The following HERC6 variants were observed in gnomAD, a reference collection of about 807,000 sequenced individuals.
HERC6 encodes the protein probable E3 ubiquitin-protein ligase HERC6.
In HERC6, 101 loss-of-function variants were observed where a neutral mutation model predicts 114.5. The ratio of observed to expected loss-of-function variants is 0.88; its 90% CI spans 0.75 to 1.04. The LOEUF is 1.04. Ranked by LOEUF, HERC6 falls within the 50% of genes least tolerant of loss-of-function variation. The pLI, the probability that HERC6 is intolerant of heterozygous loss-of-function variation, is 0.00. For synonymous variants in HERC6, 408 were observed against 436.2 expected (o/e 0.94, Z 0.81); for missense variants, 1,133 against 1,230.9 (o/e 0.92, Z 1.19).
chr4:88,408,673 G>A, intron 11 of HERC6, 56 bp downstream of exon 11: 1 of 1,181,868 alleles, frequency 8.5e-7, no homozygotes, highest in Non-Finnish European at 1.2e-6. Context: ...GTTTATTTTT[G>A]TTGGAAGCTG....
rs753643806 is a variant in HERC6, at chr4:88,383,763, CAAAAAAAAAAAA to C, written c.359+402_359+413del. 7.2e-3 allele frequency among the ~76,000 whole-genome samples: 208 copies of C among 28,754 alleles called. 1 individual carries two copies. The highest frequency in any genetic ancestry group is 0.027 in the African/African-American group (196 of 7,348). The allele number at this position is 28,754 out of a possible 152,430, so 18.9% of individuals were successfully genotyped here. A position where few individuals can be genotyped will look rare whatever the true frequency, so the allele number is the denominator to read the frequency against. On this transcript the variant is annotated intron_variant, in intron 2 of 22. Transcript: ENST00000264346. ...TGGGCAACAGAGGGAGACTCAGTCT[CAAAAAAAAAAAA>C]AAAAAAAAAAAAAAAAAAGACTATG...
chr4:88,430,609 T>TAAATAAATAAATAAAA (rs1553918199), intron 16 of HERC6, among the ~76,000 whole-genome samples: 1 of 150,990 alleles, frequency 6.6e-6, no homozygotes, highest in African/African-American at 2.4e-5. Context: ...AATAAATAAA[T>TAAATAAATAAATAAAA]AAAAAGAGGG....
At chr4:88,398,264 A>G in intron 8 of HERC6, 55 bp downstream of exon 8, 2 of 1,123,226 alleles carry the variant, frequency 1.8e-6, no homozygotes, top group Non-Finnish European at 2.5e-6. Context: ...AAGATTTCAG[A>G]CCGGTATTTG....
intron 8 of HERC6, among the ~76,000 whole-genome samples, chr4:88,401,500 A>G (rs1451877259): frequency 6.6e-6 from 1 of 151,946 alleles, no homozygotes; most frequent in African/African-American, 2.4e-5. Context: ...CAAAAAAAAA[A>G]AAAAAAAGAA....
At chr4:88,437,103 T>G in intron 19 of HERC6, 132 bp downstream of exon 19, 1 of 609,960 alleles carries the variant, frequency 1.6e-6, no homozygotes, top group Non-Finnish European at 2.7e-6. Flanking sequence ...GTCACCCAGG[T>G]TGGAGTACAA....
chr4:88,378,941 C>T lies in HERC6; in HGVS notation c.20C>T (p.Ala7Val). MYFCWG[A>V]DSRELQRRRT... ...AGCGGGATGTACTTCTGTTGGGGCG[C>T]CGACTCCAGGGAGCTGCAGCGCCGG... Residue 7 changes from alanine (A) to valine (V), a missense_variant, in exon 1 of 23, where the codon GCC (alanine) becomes GTC (valine). Coordinates refer to ENST00000264346, the MANE Select transcript of HERC6 (RefSeq NM_017912.4). 6.3e-7 allele frequency: 1 copy of T among 1,594,012 alleles called. No homozygotes were observed. Among genetic ancestry groups the T allele is most frequent in the Middle Eastern group, 1.7e-4 (1 of 6,026 alleles).
intron 8 of HERC6, among the ~76,000 whole-genome samples, chr4:88,400,919 G>A (rs1735501980): frequency 6.6e-6 from 1 of 152,084 alleles, no homozygotes; most frequent in Admixed American, 6.5e-5. Flanking sequence ...GGGTCTTGGT[G>A]GAACACATCC....
chr4:88,390,655 G>A lies in HERC6; in HGVS notation c.440G>A (p.Ser147Asn). The A allele has an allele frequency of 6.3e-7, 1 of 1,599,710 alleles. No individual in the cohort carries two copies. The highest frequency in any genetic ancestry group is 8.6e-7 in the Non-Finnish European group (1 of 1,169,202). The change falls in exon 4 of 23, where the codon AGC (serine) becomes AAC (asparagine). Residue 147 changes from serine to asparagine, a missense_variant. Ser to Asn is a conservative substitution (Grantham distance 46). Coordinates refer to ENST00000264346, the MANE Select transcript of HERC6 (RefSeq NM_017912.4). ...TAATTTCTCGTCTTTGTTGTAGATA[G>A]CCAAGTGTTTTCGTGGGGAAAGAAC... The part of the protein sequence containing the change: ...HYHSLALSKD[S>N]QVFSWGKNSH...
At chr4:88,392,083 T>A (rs993446176) in intron 4 of HERC6, among the ~76,000 whole-genome samples, 1 of 49,348 alleles carries the variant, frequency 2.0e-5, no homozygotes, top group Non-Finnish European at 4.0e-5. Context: ...TCCCCTCCAC[T>A]CCCCCCTCCC....
Position 88,385,529 on chromosome 4 carries a change from A to C in HERC6, c.390A>C (p.Ile130=). ...KKIMTLNDIK[I]IQVSCGHYHS... ...TAATGACTCTGAATGATATAAAAAT[A>C]ATACAAGTTTCCTGTGGACACTACC... Residue 130 remains isoleucine, a synonymous_variant, in exon 3 of 23, where the codon ATA becomes ATC. Transcript: ENST00000264346. 1 of 1,496,112 alleles carries C rather than the reference A, an allele frequency of 6.7e-7. No individual in the cohort carries two copies. Among genetic ancestry groups the C allele is most frequent in the Non-Finnish European group, 9.0e-7 (1 of 1,112,714 alleles). 92.7% of individuals were successfully genotyped at this position (1,496,112 alleles called of 1,614,324 possible).
At chr4:88,432,993 CAGG>C (rs1489551785) in intron 17 of HERC6, among the ~76,000 whole-genome samples, 2 of 151,930 alleles carry the variant, frequency 1.3e-5, no homozygotes. Context: ...GAGGCTGAGG[CAGG>C]AGAACTGCTT....
chr4:88,431,582 G>T (rs1208069958), intron 17 of HERC6, among the ~76,000 whole-genome samples: 1 of 152,124 alleles, frequency 6.6e-6, no homozygotes, highest in Non-Finnish European at 1.5e-5. Context: ...ATTTTTAATG[G>T]TTTTAATAAA....
chr4:88,440,333 T>C, intron 22 of HERC6, 83 bp downstream of exon 22: 1 of 804,396 alleles, frequency 1.2e-6, no homozygotes, highest in Non-Finnish European at 2.0e-6. Flanking sequence ...GCCATTGAAG[T>C]GGCCTCATTG....
intron 8 of HERC6, among the ~76,000 whole-genome samples, chr4:88,400,516 TAC>T (rs200586544): frequency 0.027 from 4,145 of 152,312 alleles, 84 homozygotes; most frequent in Non-Finnish European, 0.043. Flanking sequence ...ACCTCTTATC[TAC>T]AGTTTTGCTT....
In HERC6 at chr4:88,428,625, CA is replaced by C; in HGVS notation, c.1988del (p.Lys663ArgfsTer27). On this transcript the variant is annotated frameshift_variant, in exon 16 of 23. Coordinates refer to ENST00000264346, the MANE Select transcript of HERC6 (RefSeq NM_017912.4). LOFTEE classifies it high-confidence loss of function. ...CATGCTTATGCATGAAACAATTCTG[CA>C]AAAAAAGGATGAATTTCCTCCATCA... ...AYMLMHETIL[Q>X]KKDEFPPSPR... 3 of 1,607,496 alleles carry C rather than the reference CA, an allele frequency of 1.9e-6. No individual in the cohort carries two copies. The highest frequency in any genetic ancestry group is 1.7e-5 in the Admixed American group (1 of 58,916).
intron 17 of HERC6, among the ~76,000 whole-genome samples, chr4:88,433,198 C>T (rs183881488): frequency 2.0e-5 from 3 of 152,130 alleles, no homozygotes; most frequent in Admixed American, 2.0e-4. Flanking sequence ...TAATTTTGTG[C>T]ATGAAACAAA....
At chr4:88,423,221 T>C (rs922147328) in intron 13 of HERC6, among the ~76,000 whole-genome samples, 1 of 152,142 alleles carries the variant, frequency 6.6e-6, no homozygotes, top group Non-Finnish European at 1.5e-5. Flanking sequence ...TTTGGATTCA[T>C]TTTTGTGATG....
chr4:88,418,342 C>T (rs1364285316), intron 13 of HERC6, among the ~76,000 whole-genome samples: 2 of 152,164 alleles, frequency 1.3e-5, no homozygotes, highest in Non-Finnish European at 2.9e-5. Flanking sequence ...AACCCTCCCT[C>T]AAAGTAGGAG....
rs189379805 is a variant in HERC6, at chr4:88,428,683, G to A, written c.2039G>A (p.Arg680His). 6.6e-5 allele frequency: 106 copies of A among 1,601,868 alleles called. No individual in the cohort carries two copies. In the African/African-American group the frequency reaches 7.1e-4, roughly 11 times the overall value. The stretch of plus-strand genomic sequence containing the variant: ...TTTATACTTAGAGTCAGACGAAGTC[G>A]CCTGGTTAAAGATGCTCTGCGTCAA... Reference protein sequence around the residue: ...PRFILRVRRSRLVKDALRQLS... With the variant: ...PRFILRVRRSHLVKDALRQLS... Residue 680 changes from arginine (R) to histidine (H), a missense_variant, in exon 16 of 23, where the codon CGC (arginine) becomes CAC (histidine). Coordinates refer to ENST00000264346, the MANE Select transcript of HERC6 (RefSeq NM_017912.4).
Sources: gnomAD v4.1 joint callset for allele counts (sites outside exome capture counted in the v4.1 genomes callset) on GRCh38, gnomAD v4.1.1 for gene constraint, MANE v1.5 for transcripts, NCBI Gene and HGNC (gene_info 2026-07-23, HGNC 2026-07-21) for gene names.